KIAA0825: variants seen among roughly 807,000 people sequenced by gnomAD.
KIAA0825 encodes uncharacterized protein KIAA0825.
In KIAA0825, 119 loss-of-function variants were observed where a neutral mutation model predicts 147.6. That is an observed-to-expected ratio of 0.81 (90% CI 0.69 to 0.94). KIAA0825 has a LOEUF of 0.94. Among genes scored for constraint, KIAA0825 ranks in the 40% least tolerant of loss-of-function variants. The pLI is 0.00. For missense variants in KIAA0825, 1,381 were observed against 1,472.7 expected (o/e 0.94, Z 1.02); for synonymous variants, 470 against 518.1 (o/e 0.91, Z 1.26).
intron 1 of KIAA0825, among the ~76,000 whole-genome samples, chr5:94,600,143 T>G: frequency 6.6e-6 from 1 of 152,174 alleles, no homozygotes; most frequent in East Asian, 1.9e-4. Context: ...AAATAGGAAT[T>G]GCATTAAATC....
intron 14 of KIAA0825, 118 bp downstream of exon 14, chr5:94,439,864 G>A: frequency 1.9e-6 from 2 of 1,054,452 alleles, no homozygotes; most frequent in East Asian, 2.7e-5. Context: ...CCAGCTGAAT[G>A]TTGATACATG....
chr5:94,596,702 C>G (rs1257064083), intron 1 of KIAA0825, among the ~76,000 whole-genome samples: 3 of 152,144 alleles, frequency 2.0e-5, no homozygotes, highest in African/African-American at 7.2e-5. Context: ...GTCTATCAAT[C>G]CATGAGCGTG....
intron 5 of KIAA0825, among the ~76,000 whole-genome samples, chr5:94,505,793 A>AT (rs1024056070): frequency 3.3e-5 from 5 of 152,166 alleles, no homozygotes; most frequent in African/African-American, 4.8e-5. Context: ...GAAAATTCTA[A>AT]TTTTTTTACA....
At chr5:94,468,582 T>G (rs1760834517) in intron 10 of KIAA0825, among the ~76,000 whole-genome samples, 1 of 152,138 alleles carries the variant, frequency 6.6e-6, no homozygotes, top group African/African-American at 2.4e-5. Flanking sequence ...TGGATGCTCT[T>G]GCAAAAAGAA....
At chr5:94,383,059 C>CT (rs1316364635) in intron 20 of KIAA0825, among the ~76,000 whole-genome samples, 4 of 152,178 alleles carry the variant, frequency 2.6e-5, no homozygotes, top group African/African-American at 9.7e-5. Flanking sequence ...GCCCTGGCCT[C>CT]TCCTCCACCA....
At chr5:94,213,947 T>TA (rs1772977706) in intron 20 of KIAA0825, among the ~76,000 whole-genome samples, 1 of 152,222 alleles carries the variant, frequency 6.6e-6, no homozygotes, top group Non-Finnish European at 1.5e-5. Flanking sequence ...TCCAGGATGA[T>TA]AGGAACTGTG....
intron 20 of KIAA0825, among the ~76,000 whole-genome samples, chr5:94,379,017 T>C (rs1747996467): frequency 6.6e-6 from 1 of 152,258 alleles, no homozygotes; most frequent in South Asian, 2.1e-4. Context: ...CTTTGTCAGA[T>C]GCATAGTTTG....
chr5:94,296,564 G>A (rs13187099), intron 20 of KIAA0825, among the ~76,000 whole-genome samples: 16,771 of 152,224 alleles, frequency 0.11, 1,029 homozygotes, highest in Non-Finnish European at 0.13. Flanking sequence ...CTGGTCTGGG[G>A]TTGCAAAGAT....
rs145534181 is a variant in KIAA0825 at position 94,522,912 on chromosome 5, G to A, written c.300+1018C>T. Among the ~76,000 whole-genome samples the A allele has an allele frequency of 1.6e-3, 237 of 151,714 alleles. 2 individuals carry two copies. The highest frequency in any genetic ancestry group is 2.9e-3 in the Admixed American group (44 of 15,210). ...AAAGCATTATTACATCAGCATTAAT[G>A]AAATTCAATACACATGCCTCTTAAT... On this transcript the variant is annotated intron_variant, in intron 4 of 20. Coordinates refer to ENST00000682413, the MANE Select transcript of KIAA0825 (RefSeq NM_001145678.3).
chr5:94,462,304 A>G (rs1759939630), intron 12 of KIAA0825, 83 bp downstream of exon 12: 1 of 748,966 alleles, frequency 1.3e-6, no homozygotes, highest in African/African-American at 1.8e-5. Flanking sequence ...GTAACTTCAC[A>G]TAATTCCATA....
At chr5:94,380,155 T>TA (rs1296269421) in intron 20 of KIAA0825, among the ~76,000 whole-genome samples, 4 of 152,138 alleles carry the variant, frequency 2.6e-5, no homozygotes, top group African/African-American at 9.7e-5. Context: ...GCCTGGCCGA[T>TA]ACTTTATTCT....
intron 20 of KIAA0825, among the ~76,000 whole-genome samples, chr5:94,226,416 G>C (rs556058120): frequency 4.1e-4 from 63 of 152,184 alleles, no homozygotes; most frequent in African/African-American, 1.4e-3. Flanking sequence ...CACTGTTGGT[G>C]GGAGTGTAAA....
chr5:94,545,026 T>C (rs906484920), intron 2 of KIAA0825, among the ~76,000 whole-genome samples: 3 of 151,634 alleles, frequency 2.0e-5, no homozygotes, highest in African/African-American at 7.3e-5. Context: ...AGACAATCTA[T>C]GCACTTAGAA....
chr5:94,284,723 G>A (rs1049561271), intron 20 of KIAA0825, among the ~76,000 whole-genome samples: 1 of 151,846 alleles, frequency 6.6e-6, no homozygotes. Flanking sequence ...CCCTCTGTTT[G>A]CAATGCAGTC....
At chr5:94,559,066 A>G (rs187802743) in intron 2 of KIAA0825, among the ~76,000 whole-genome samples, 50 of 152,296 alleles carry the variant, frequency 3.3e-4, no homozygotes, top group Middle Eastern at 3.4e-3. Flanking sequence ...ATACATTTGT[A>G]TGCTTTTCTC....
chr5:94,238,187 A>G (rs986527533), intron 20 of KIAA0825, among the ~76,000 whole-genome samples: 1 of 152,188 alleles, frequency 6.6e-6, no homozygotes, highest in Non-Finnish European at 1.5e-5. Context: ...GGGTGGCAAG[A>G]TGGGCAGGTA....
chr5:94,196,830 A>G (rs1454157567), intron 20 of KIAA0825, among the ~76,000 whole-genome samples: 1 of 152,164 alleles, frequency 6.6e-6, no homozygotes, highest in Non-Finnish European at 1.5e-5. Flanking sequence ...AGTATTCCAT[A>G]GTGTATATGT....
At chr5:94,595,392 G>T (rs529364063) in intron 1 of KIAA0825, among the ~76,000 whole-genome samples, 29 of 152,296 alleles carry the variant, frequency 1.9e-4, no homozygotes, top group Non-Finnish European at 4.1e-4. Context: ...TGAAGCAACG[G>T]CCTGAGCTGT....
At chr5:94,611,660 A>G (rs1288511301) in intron 1 of KIAA0825, among the ~76,000 whole-genome samples, 1 of 145,100 alleles carries the variant, frequency 6.9e-6, no homozygotes, top group Non-Finnish European at 1.5e-5. Flanking sequence ...GATTACAGGC[A>G]TGAGGCTGGG....
Sources: gnomAD v4.1 joint callset for allele counts (sites outside exome capture counted in the v4.1 genomes callset) on GRCh38, gnomAD v4.1.1 for gene constraint, MANE v1.5 for transcripts, NCBI Gene and HGNC (gene_info 2026-07-23, HGNC 2026-07-21) for gene names.